TOP6BL: variants seen among roughly 807,000 people sequenced by gnomAD.
TOP6BL encodes the protein type 2 DNA topoisomerase 6 subunit B-like.
the TOP6BL span, chr11:66,843,176 T>C: frequency 1.9e-6 from 3 of 1,611,188 alleles, no homozygotes; most frequent in East Asian, 4.5e-5. Context: ...CAGGACGTGC[T>C]GTGGCTGCAG....
At chr11:66,756,317 A>G in the TOP6BL span, 1 of 1,186,322 alleles carries the variant, frequency 8.4e-7, no homozygotes, top group Non-Finnish European at 1.1e-6. Flanking sequence ...TGCTACATAC[A>G]GTTAACCCCC....
At chr11:66,746,101 C>T in the TOP6BL span, among the ~76,000 whole-genome samples, 1 of 152,110 alleles carries the variant, frequency 6.6e-6, no homozygotes, top group Non-Finnish European at 1.5e-5. Flanking sequence ...AGCCACCGTG[C>T]CCGGCCCGAT....
At chr11:66,763,713 T>A in the TOP6BL span, among the ~76,000 whole-genome samples, 1 of 152,162 alleles carries the variant, frequency 6.6e-6, no homozygotes, top group East Asian at 1.9e-4. Flanking sequence ...TGAGCCATCC[T>A]CCAGCCTCAG....
chr11:66,801,229 A>G, the TOP6BL span: 2 of 963,840 alleles, frequency 2.1e-6, no homozygotes, highest in Non-Finnish European at 3.1e-6. Context: ...CTCTATAAGA[A>G]AAGCAGAAGT....
At chr11:66,842,721 G>T in the TOP6BL span, 1 of 944,002 alleles carries the variant, frequency 1.1e-6, no homozygotes, top group Non-Finnish European at 1.6e-6. Flanking sequence ...TGGTGTGGAT[G>T]GGACCTGCTG....
the TOP6BL span, among the ~76,000 whole-genome samples, chr11:66,751,893 A>G: frequency 6.6e-6 from 1 of 152,166 alleles, no homozygotes; most frequent in South Asian, 2.1e-4. Context: ...TTTATCATCT[A>G]GTCAACTCGC....
chr11:66,804,244 T>C, the TOP6BL span: 1 of 1,425,462 alleles, frequency 7.0e-7, no homozygotes, highest in Non-Finnish European at 9.5e-7. Context: ...GGTTTTTATA[T>C]CCCAGTTTTA....
the TOP6BL span, chr11:66,842,871 C>G: frequency 1.0e-5 from 16 of 1,572,088 alleles, no homozygotes; most frequent in African/African-American, 1.5e-4. Context: ...AAGCAGAAAA[C>G]AAGAGGCTCA....
the TOP6BL span, chr11:66,744,840 C>T: frequency 3.8e-6 from 5 of 1,329,292 alleles, no homozygotes; most frequent in Non-Finnish European, 2.9e-6. Context: ...GCGGCGGCGG[C>T]GGCGGGCGGG....
At chr11:66,807,680 C>G in the TOP6BL span, among the ~76,000 whole-genome samples, 1 of 152,222 alleles carries the variant, frequency 6.6e-6, no homozygotes, top group Non-Finnish European at 1.5e-5. Context: ...GAGAGCTGAG[C>G]CTAGCATTGG....
the TOP6BL span, among the ~76,000 whole-genome samples, chr11:66,750,020 A>G: frequency 6.6e-6 from 1 of 152,176 alleles, no homozygotes; most frequent in Non-Finnish European, 1.5e-5. Flanking sequence ...TATATATTCT[A>G]GATTTTCCTT....
At chr11:66,774,765 C>T in the TOP6BL span, among the ~76,000 whole-genome samples, 1 of 151,940 alleles carries the variant, frequency 6.6e-6, no homozygotes. Context: ...GTCACCGCGC[C>T]TGACCTTGTC....
the TOP6BL span, chr11:66,762,101 A>G: frequency 1.8e-6 from 2 of 1,095,746 alleles, no homozygotes; most frequent in Non-Finnish European, 2.8e-6. Flanking sequence ...AACTCCAGAC[A>G]TCTTAGGAAG....
the TOP6BL span, among the ~76,000 whole-genome samples, chr11:66,750,835 G>T: frequency 5.3e-5 from 8 of 151,568 alleles, no homozygotes; most frequent in African/African-American, 1.9e-4. Flanking sequence ...GAGTAGCTAG[G>T]ACTACAGGCA....
chr11:66,825,969 G>A, the TOP6BL span, among the ~76,000 whole-genome samples: 1 of 151,976 alleles, frequency 6.6e-6, no homozygotes, highest in Non-Finnish European at 1.5e-5. Context: ...AGCCTCCCAA[G>A]TAGCTGGGAC....
At chr11:66,828,194 C>G in the TOP6BL span, 10 of 1,062,178 alleles carry the variant, frequency 9.4e-6, no homozygotes, top group African/African-American at 3.1e-5. Context: ...CCTGTATAAA[C>G]TTTCTGTGAG....
chr11:66,761,164 G>A, the TOP6BL span, among the ~76,000 whole-genome samples: 1 of 152,116 alleles, frequency 6.6e-6, no homozygotes, highest in Non-Finnish European at 1.5e-5. Context: ...GAGGTCAGGA[G>A]ATCGAGACCA....
chr11:66,788,234 A>G, the TOP6BL span: 6 of 1,613,692 alleles, frequency 3.7e-6, no homozygotes, highest in African/African-American at 5.3e-5. Flanking sequence ...TTCTCAGGAT[A>G]TGACAGGGGT....
chr11:66,843,370 G>C, the TOP6BL span: 1 of 1,442,430 alleles, frequency 6.9e-7, no homozygotes, highest in Non-Finnish European at 9.0e-7. Context: ...GCGGGGCGGG[G>C]CGGGGCGTGG....
Sources: gnomAD v4.1 joint callset for allele counts (sites outside exome capture counted in the v4.1 genomes callset) on GRCh38, gnomAD v4.1.1 for gene constraint, MANE v1.5 for transcripts, NCBI Gene and HGNC (gene_info 2026-07-23, HGNC 2026-07-21) for gene names.